The following GALNT17 variants were observed in gnomAD, a reference collection of about 807,000 sequenced individuals.
GALNT17 encodes the protein UDP-GalNAc:polypeptide N-acetylgalactosaminyltransferase-like 3.
GALNT17 carries 29 observed loss-of-function variants against 63.7 expected under a neutral mutation model. The ratio of observed to expected loss-of-function variants is 0.46; its 90% CI spans 0.34 to 0.62. The LOEUF (loss-of-function observed/expected upper bound fraction) is 0.62. Ranked by LOEUF, GALNT17 falls within the 20% of genes least tolerant of loss-of-function variation. GALNT17 has a pLI of 0.01. For synonymous variants in GALNT17, 305 were observed against 318.3 expected (o/e 0.96, Z 0.45); for missense variants, 603 against 799.6 (o/e 0.75, Z 2.97).
intron 3 of GALNT17, among the ~76,000 whole-genome samples, chr7:71,392,224 A>G (rs1793064409): frequency 6.6e-6 from 1 of 152,184 alleles, no homozygotes; most frequent in Admixed American, 6.5e-5. Flanking sequence ...GAGTGCAAGT[A>G]GTTTATTTGG....
intron 1 of GALNT17, among the ~76,000 whole-genome samples, chr7:71,320,215 A>G (rs1219677832): frequency 6.6e-6 from 1 of 152,128 alleles, no homozygotes; most frequent in African/African-American, 2.4e-5. Flanking sequence ...TTGCTGAACA[A>G]AAATGTAATG....
chr7:71,569,882 T>C (rs1789409624), intron 5 of GALNT17, among the ~76,000 whole-genome samples: 1 of 152,168 alleles, frequency 6.6e-6, no homozygotes, highest in South Asian at 2.1e-4. Flanking sequence ...TTATTTTCCT[T>C]TGGGTAGATA....
chr7:71,667,682 G>A (rs182676245), intron 7 of GALNT17, among the ~76,000 whole-genome samples: 95 of 152,228 alleles, frequency 6.2e-4, no homozygotes, highest in African/African-American at 1.5e-3. Context: ...AAAGGGGCTC[G>A]TTCAAGGTCC....
At chr7:71,646,617 C>T (rs749045144) in intron 6 of GALNT17, among the ~76,000 whole-genome samples, 86 of 152,180 alleles carry the variant, frequency 5.7e-4, no homozygotes, top group Non-Finnish European at 1.6e-4. Context: ...TCAGACCCCT[C>T]ATCTTGGCTG....
intron 5 of GALNT17, among the ~76,000 whole-genome samples, chr7:71,470,189 A>G (rs1368457104): frequency 1.3e-5 from 2 of 152,220 alleles, no homozygotes. Context: ...AGCCTAGAAG[A>G]CAGAGCGAGA....
At chr7:71,246,921 A>G (rs1184315759) in intron 1 of GALNT17, among the ~76,000 whole-genome samples, 2 of 131,070 alleles carry the variant, frequency 1.5e-5, no homozygotes, top group Non-Finnish European at 3.1e-5. Context: ...TAATGTAAAT[A>G]CTTGTCTGTA....
At chr7:71,250,249 CT>C (rs1790172252) in intron 1 of GALNT17, among the ~76,000 whole-genome samples, 1 of 151,668 alleles carries the variant, frequency 6.6e-6, no homozygotes. Flanking sequence ...GCCATAGGCT[CT>C]TGAGGGATAT....
intron 5 of GALNT17, among the ~76,000 whole-genome samples, chr7:71,523,614 G>A (rs1788565565): frequency 1.3e-5 from 2 of 151,770 alleles, no homozygotes; most frequent in South Asian, 2.1e-4. Flanking sequence ...AATTAGTGGG[G>A]TGCGGTGGCC....
intron 2 of GALNT17, among the ~76,000 whole-genome samples, chr7:71,338,687 C>T (rs373051699): frequency 5.3e-5 from 8 of 152,294 alleles, no homozygotes; most frequent in Admixed American, 1.3e-4. Context: ...ACTCCACCTC[C>T]GCTTCTCAAA....
At chr7:71,645,376 G>T (rs1562721081) in intron 6 of GALNT17, among the ~76,000 whole-genome samples, 1 of 152,196 alleles carries the variant, frequency 6.6e-6, no homozygotes, top group Non-Finnish European at 1.5e-5. Flanking sequence ...GTGATAGTGA[G>T]TGAGTTCTCA....
intron 5 of GALNT17, among the ~76,000 whole-genome samples, chr7:71,449,108 C>CTTTTGTTTTTTTTTTTT (rs1341757886): frequency 1.4e-5 from 1 of 72,754 alleles, no homozygotes; most frequent in Admixed American, 2.5e-4. Context: ...TGCCTATTTT[C>CTTTTGTTTTTTTTTTTT]TTTTTTTTTT....
intron 2 of GALNT17, among the ~76,000 whole-genome samples, chr7:71,343,072 G>A (rs1792033940): frequency 6.6e-6 from 1 of 152,198 alleles, no homozygotes; most frequent in Non-Finnish European, 1.5e-5. Context: ...AGAGACTGTT[G>A]TAAATTCTGA....
intron 1 of GALNT17, among the ~76,000 whole-genome samples, chr7:71,155,021 C>T (rs1788208521): frequency 6.6e-6 from 1 of 151,860 alleles, no homozygotes; most frequent in Non-Finnish European, 1.5e-5. Context: ...CTGACTATTG[C>T]AGTGGGGGTT....
chr7:71,570,107 G>A (rs968665213), intron 5 of GALNT17, among the ~76,000 whole-genome samples: 1 of 151,508 alleles, frequency 6.6e-6, no homozygotes, highest in Non-Finnish European at 1.5e-5. Context: ...CTGACAGGTG[G>A]CCTCACATGG....
chr7:71,427,302 T>A (rs932168463), intron 5 of GALNT17, among the ~76,000 whole-genome samples: 1 of 151,860 alleles, frequency 6.6e-6, no homozygotes. Flanking sequence ...TTTACCGTGT[T>A]AACCAGGTTG....
intron 3 of GALNT17, among the ~76,000 whole-genome samples, chr7:71,402,725 C>G (rs1295699383): frequency 7.1e-6 from 1 of 139,868 alleles, no homozygotes; most frequent in Non-Finnish European, 1.5e-5. Flanking sequence ...ACCCTCTGCA[C>G]TTCCAAAAGG....
chr7:71,629,811 G>C (rs924170292), intron 6 of GALNT17, among the ~76,000 whole-genome samples: 55 of 152,254 alleles, frequency 3.6e-4, no homozygotes, highest in African/African-American at 1.3e-3. Context: ...TTATAGAGAG[G>C]CAGTCTTGCT....
At chr7:71,266,620 ACAT>A (rs1347965578) in intron 1 of GALNT17, among the ~76,000 whole-genome samples, 1 of 152,166 alleles carries the variant, frequency 6.6e-6, no homozygotes, top group Non-Finnish European at 1.5e-5. Context: ...TTGGACTAAT[ACAT>A]CTGCAAAGCC....
chr7:71,133,019 A>G lies in GALNT17; in HGVS notation c.217A>G (p.Ile73Val), dbSNP rs1423740745. The G allele has an allele frequency of 1.9e-6, 3 of 1,586,610 alleles. No individual in the cohort carries two copies. Among genetic ancestry groups the G allele is most frequent in the Non-Finnish European group, 2.6e-6 (3 of 1,167,024 alleles). The change falls in exon 1 of 11, where the codon ATC becomes GTC. Residue 73 changes from isoleucine (I) to valine (V), a missense_variant. Transcript: ENST00000333538. The stretch of plus-strand genomic sequence containing the variant: ...GAAGCGCCTGTCGCTGCTGGAGGAC[A>G]TCGTGTACCGGCAGCTGAATGGTAA... The part of the protein sequence containing the change: ...VLKRLSLLED[I>V]VYRQLNGLSK...
Sources: allele counts gnomAD v4.1 joint callset (sites outside exome capture counted in the v4.1 genomes callset), GRCh38; gene constraint gnomAD v4.1.1; transcripts MANE v1.5; gene names NCBI Gene and HGNC (gene_info 2026-07-23, HGNC 2026-07-21).